ZNF697: variants seen among roughly 807,000 people sequenced by gnomAD.
ZNF697 encodes the protein zinc finger protein 697.
ZNF697 carries 23 observed loss-of-function variants against 32.4 expected under a neutral mutation model. That is an observed-to-expected ratio of 0.71 (90% confidence interval 0.51 to 1.01). The LOEUF (loss-of-function observed/expected upper bound fraction) is 1.01. ZNF697 is among the 50% of genes least tolerant of loss of function. The pLI, the probability that ZNF697 is intolerant of heterozygous loss-of-function variation, is 0.00. For synonymous variants in ZNF697, 418 were observed against 337.2 expected (o/e 1.24, Z -2.62); for missense variants, 930 against 794.0 (o/e 1.17, Z -2.06).
intron 1 of ZNF697, among the ~76,000 whole-genome samples, chr1:119,629,167 T>A (rs1182414910): frequency 6.6e-6 from 1 of 152,236 alleles, no homozygotes; most frequent in African/African-American, 2.4e-5. Context: ...TCTTTGTACA[T>A]CTGTATTTTC....
intron 2 of ZNF697, among the ~76,000 whole-genome samples, chr1:119,625,607 C>T (rs1179890117): frequency 2.6e-5 from 4 of 152,172 alleles, no homozygotes; most frequent in East Asian, 3.9e-4. Context: ...TAGTGTTGTT[C>T]CAGGGGTTAA....
At position 119,619,379 on chromosome 1, in the gene ZNF697, G is replaced by A. The variant is rs751228656; in HGVS notation, c.*3326C>T. ...TACAAGAACATAGCTTCCATAGATA[G>A]AGCTGAGTGACATTTAATGTGTGGC... On this transcript the variant is annotated 3_prime_UTR_variant, in exon 3 of 3. Transcript: ENST00000421812. 10 of 152,212 alleles carry A rather than the reference G, an allele frequency of 6.6e-5. No individual in the cohort carries two copies. Among genetic ancestry groups the A allele is most frequent in the Non-Finnish European group, 1.3e-4 (9 of 68,036 alleles). 9.4% of individuals were successfully genotyped at this position (152,212 alleles called of 1,614,324 possible).
chr1:119,625,757 A>C, intron 2 of ZNF697, 118 bp downstream of exon 2: 2 of 1,345,948 alleles, frequency 1.5e-6, no homozygotes, highest in Middle Eastern at 2.7e-4. Context: ...AATCCTGCTT[A>C]ATGGTCCCCT....
chr1:119,625,926 AG>A lies in ZNF697; in HGVS notation c.174del (p.Ser59ProfsTer21). The A allele has an allele frequency of 1.2e-6, 2 of 1,613,934 alleles. No homozygotes were observed. Among genetic ancestry groups the A allele is most frequent in the Non-Finnish European group, 1.7e-6 (2 of 1,179,868 alleles). On this transcript the variant is annotated frameshift_variant, in exon 2 of 3. Coordinates refer to ENST00000421812, the MANE Select transcript of ZNF697 (RefSeq NM_001080470.2). LOFTEE classifies it high-confidence loss of function. ...KREGHPEPEM[G>X]SNPQDSRHRE... ...CTGTGCCTTGAGTCCTGTGGGTTGG[AG>A]CCCATCTCCGGCTCCGGATGGCCTT...
intron 1 of ZNF697, among the ~76,000 whole-genome samples, chr1:119,646,322 AACAC>A (rs61339576): frequency 0.037 from 5,031 of 136,806 alleles, 128 homozygotes; most frequent in East Asian, 0.095. Flanking sequence ...CCCCACTTCC[AACAC>A]ACACACACAC....
In ZNF697 at chr1:119,623,445, A is replaced by G; in HGVS notation, c.898T>C (p.Trp300Arg). 4 of 1,548,158 alleles carry G rather than the reference A, an allele frequency of 2.6e-6. No individual in the cohort carries two copies. The highest frequency in any genetic ancestry group is 3.5e-6 in the Non-Finnish European group (4 of 1,149,332). ...CGGTGCTTGAGCAGGTCGGCGCGCC[A>G]GCTGAAGCTCTTGCCGCAGTCGGCG... ...LCADCGKSFSWRADLLKHRRL... is the reference protein window; with the variant it reads ...LCADCGKSFSRRADLLKHRRL... Residue 300 changes from tryptophan to arginine, a missense_variant, in exon 3 of 3, where the codon TGG becomes CGG. Transcript: ENST00000421812.
intron 1 of ZNF697, among the ~76,000 whole-genome samples, chr1:119,637,070 T>C (rs920031102): frequency 6.6e-6 from 1 of 152,248 alleles, no homozygotes; most frequent in Non-Finnish European, 1.5e-5. Flanking sequence ...TGCTTTGTTA[T>C]TTAATCCTTC....
chr1:119,628,733 G>A lies in ZNF697; in HGVS notation c.-37-2596C>T, dbSNP rs975234093. Among the ~76,000 whole-genome samples the A allele has an allele frequency of 1.1e-4, 16 of 152,286 alleles. No individual in the cohort carries two copies. In the East Asian group the frequency reaches 3.1e-3, roughly 29 times the overall value. Reference sequence around the variant, plus strand: ...GTAACACGGATTCAGTTCCATTCACGCCAGCACATCATGGGGTTTTAGGCA... The same window carrying A: ...GTAACACGGATTCAGTTCCATTCACACCAGCACATCATGGGGTTTTAGGCA... On this transcript the variant is annotated intron_variant, in intron 1 of 2. Transcript: ENST00000421812.
Position 119,623,830 on chromosome 1 carries a change from G to C in ZNF697, c.513C>G (p.Ala171=), listed in dbSNP as rs76236163. ...GGCTATCCAGCTCCCCGAGGTCCAC[G>C]GCCATGGGGTGGTGGAGCCGGTGGA... is the stretch of plus-strand genomic sequence containing the variant. ...RRFHRLHHPM[A]VDLGELDSLV... The change falls in exon 3 of 3, where the codon GCC becomes GCG. Residue 171 remains alanine (A), a synonymous_variant. Transcript: ENST00000421812. 0.11 allele frequency: 165,698 copies of C among 1,544,980 alleles called. 9,721 individuals carry two copies. The highest frequency in any genetic ancestry group is 0.12 in the Non-Finnish European group (142,227 of 1,143,338).
chr1:119,631,735 C>T (rs947824217), intron 1 of ZNF697, among the ~76,000 whole-genome samples: 4 of 152,160 alleles, frequency 2.6e-5, no homozygotes, highest in Admixed American at 6.5e-5. Context: ...GCCCGGCGGG[C>T]GGCGGGCCAG....
intron 1 of ZNF697, among the ~76,000 whole-genome samples, chr1:119,646,161 C>G (rs1649196425): frequency 6.6e-6 from 1 of 152,124 alleles, no homozygotes; most frequent in South Asian, 2.1e-4. Flanking sequence ...ACCCCTCTAT[C>G]CCAGTAGTTC....
chr1:119,632,501 A>G (rs1648807349), intron 1 of ZNF697, among the ~76,000 whole-genome samples: 1 of 152,222 alleles, frequency 6.6e-6, no homozygotes, highest in African/African-American at 2.4e-5. Context: ...GGAAAAACAA[A>G]AAGGCTCAAA....
intron 1 of ZNF697, among the ~76,000 whole-genome samples, chr1:119,644,216 G>A (rs1649147982): frequency 6.6e-6 from 1 of 152,190 alleles, no homozygotes; most frequent in African/African-American, 2.4e-5. Flanking sequence ...GTGAGACTTG[G>A]CCTGGCAAGA....
rs1361956534 is a variant in ZNF697 at position 119,620,203 on chromosome 1, T to C, written c.*2502A>G. ...ACGTAGCAGCTGACTTTTTTATCCA[T>C]GGTAATAGAAATAATGAGAGAGGTA... is the stretch of plus-strand genomic sequence containing the variant. On this transcript the variant is annotated 3_prime_UTR_variant, in exon 3 of 3. Coordinates refer to ENST00000421812, the MANE Select transcript of ZNF697 (RefSeq NM_001080470.2). 1.3e-5 allele frequency: 2 copies of C among 152,566 alleles called. No individual in the cohort carries two copies. Among genetic ancestry groups the C allele is most frequent in the Admixed American group, 6.5e-5 (1 of 15,270 alleles). The allele number at this position is 152,566 out of a possible 1,614,324, so 9.5% of individuals were successfully genotyped here.
Position 119,622,750 on chromosome 1 carries a change from G to A in ZNF697, c.1593C>T (p.Arg531=). The A allele has an allele frequency of 6.4e-7, 1 of 1,574,738 alleles. No individual in the cohort carries two copies. The highest frequency in any genetic ancestry group is 1.2e-5 in the South Asian group (1 of 86,322). Residue 531 remains arginine (R), a synonymous_variant, in exon 3 of 3, where the codon CGC becomes CGT. Coordinates refer to ENST00000421812, the MANE Select transcript of ZNF697 (RefSeq NM_001080470.2). ...HKCAGCGKGF[R]YKTHLAQHQK... ...GGTGCTGCGCGAGGTGCGTTTTATA[G>A]CGGAAGCCTTTGCCGCAGCCCGCAC...
rs1180642975 is a variant in ZNF697, at chr1:119,623,680, G to C, written c.663C>G (p.Ser221Arg). The change falls in exon 3 of 3, where the codon AGC (serine) becomes AGG (arginine). Residue 221 changes from serine (S) to arginine (R), a missense_variant. By Grantham distance (110) the Ser-to-Arg change is moderately radical (BLOSUM62 -1). Transcript: ENST00000421812. ...CGCCCGCCAGGCCGAAGGGCTCCAG[G>C]CTGGCGGCGGCAGCGGCCTCAGCCA... The part of the protein sequence containing the change: ...HRLAEAAAAA[S>R]LEPFGLAGEC... 1 of 1,529,828 alleles carries C rather than the reference G, an allele frequency of 6.5e-7. No individual in the cohort carries two copies. The highest frequency in any genetic ancestry group is 1.4e-5 in the African/African-American group (1 of 72,316). 94.8% of individuals were successfully genotyped at this position (1,529,828 alleles called of 1,614,324 possible). A position where few individuals can be genotyped will look rare whatever the true frequency, so the allele number is the denominator to read the frequency against.
chr1:119,642,061 G>C (rs756346798), intron 1 of ZNF697, among the ~76,000 whole-genome samples: 1 of 152,140 alleles, frequency 6.6e-6, no homozygotes, highest in African/African-American at 2.4e-5. Flanking sequence ...CTATCAAGGC[G>C]TGAAAAAACA....
In ZNF697 at chr1:119,620,960, G is replaced by A. The variant is rs1201515765; in HGVS notation, c.*1745C>T. The A allele has an allele frequency of 6.7e-6, 1 of 150,302 alleles. No homozygotes were observed. Among genetic ancestry groups the A allele is most frequent in the Admixed American group, 6.6e-5 (1 of 15,190 alleles). 9.3% of individuals were successfully genotyped at this position (150,302 alleles called of 1,614,324 possible). ...AATGTGTAGGGTAACAATCACTAGAGAAGAAAACAATACTGCTTTCCACAA... is the reference window on the plus strand; with the variant it reads ...AATGTGTAGGGTAACAATCACTAGAAAAGAAAACAATACTGCTTTCCACAA... On this transcript the variant is annotated 3_prime_UTR_variant, in exon 3 of 3. Coordinates refer to ENST00000421812, the MANE Select transcript of ZNF697 (RefSeq NM_001080470.2).
At chr1:119,630,829 C>T (rs961394360) in intron 1 of ZNF697, among the ~76,000 whole-genome samples, 22 of 151,994 alleles carry the variant, frequency 1.4e-4, no homozygotes, top group Non-Finnish European at 2.9e-5. Context: ...CCCCACCTTC[C>T]CCCGCACTCC....
Sources: gnomAD v4.1 joint callset for allele counts (sites outside exome capture counted in the v4.1 genomes callset) on GRCh38, gnomAD v4.1.1 for gene constraint, MANE v1.5 for transcripts, NCBI Gene and HGNC (gene_info 2026-07-23, HGNC 2026-07-21) for gene names.